MGAT5: variants seen among roughly 807,000 people sequenced by gnomAD.
MGAT5 encodes alpha-1,6-mannosylglycoprotein 6-beta-N-acetylglucosaminyltransferase, also known as alpha-1,6-mannosylglycoprotein 6-beta-N-acetylglucosaminyltransferase A.
A neutral mutation model predicts 94.3 loss-of-function variants in MGAT5; 30 were observed. That is an observed-to-expected ratio of 0.32 (90% CI 0.24 to 0.43). The LOEUF is 0.43. Among genes scored for constraint, MGAT5 ranks in the 20% least tolerant of loss-of-function variants. MGAT5 has a pLI of 1.00. For missense variants in MGAT5, 691 were observed against 905.5 expected (o/e 0.76, Z 3.04); for synonymous variants, 310 against 322.9 (o/e 0.96, Z 0.43).
rs1482398160 is a variant in MGAT5, at chr2:134,450,392, G to T, written c.*1545G>T. 6.6e-6 allele frequency: 1 copy of T among 152,310 alleles called. No homozygotes were observed. The highest frequency in any genetic ancestry group is 1.5e-5 in the Non-Finnish European group (1 of 68,110). 9.4% of individuals were successfully genotyped at this position (152,310 alleles called of 1,614,324 possible). A position where few individuals can be genotyped will look rare whatever the true frequency, so the allele number is the denominator to read the frequency against. On this transcript the variant is annotated 3_prime_UTR_variant, in exon 16 of 16. Coordinates refer to ENST00000281923, the MANE Select transcript of MGAT5 (RefSeq NM_002410.5). ...CCGCTGGGCAGAACTGATGGGCAAG[G>T]CGTAATGGCTGGTAGCTTTCAGAAT...
chr2:134,215,235 A>G (rs1189735674), intron 1 of MGAT5, among the ~76,000 whole-genome samples: 1 of 152,240 alleles, frequency 6.6e-6, no homozygotes, highest in Non-Finnish European at 1.5e-5. Context: ...GAAACATTCT[A>G]GTATATGATA....
At chr2:134,123,490 T>C (rs1308212314) in intron 1 of MGAT5, among the ~76,000 whole-genome samples, 1 of 152,220 alleles carries the variant, frequency 6.6e-6, no homozygotes, top group Non-Finnish European at 1.5e-5. Flanking sequence ...ACTGCTCTGC[T>C]CTTTCTCAAG....
chr2:134,222,104 T>A (rs1455453647), intron 1 of MGAT5, among the ~76,000 whole-genome samples: 2 of 152,090 alleles, frequency 1.3e-5, no homozygotes, highest in African/African-American at 2.4e-5. Flanking sequence ...AGTAGCCAAT[T>A]CTTTAAGAGG....
At chr2:134,232,663 A>G (rs1320005902) in intron 1 of MGAT5, among the ~76,000 whole-genome samples, 5 of 152,224 alleles carry the variant, frequency 3.3e-5, no homozygotes, top group Admixed American at 2.6e-4. Context: ...GTTACTGTTA[A>G]TAGACCACAG....
intron 1 of MGAT5, among the ~76,000 whole-genome samples, chr2:134,263,940 G>T (rs1683495496): frequency 6.7e-6 from 1 of 148,882 alleles, no homozygotes; most frequent in South Asian, 2.1e-4. Context: ...ATACGTACAT[G>T]TGTGTATATG....
intron 1 of MGAT5, among the ~76,000 whole-genome samples, chr2:134,153,297 C>G (rs757918282): frequency 6.6e-6 from 1 of 152,196 alleles, no homozygotes; most frequent in Non-Finnish European, 1.5e-5. Flanking sequence ...GAATATTGAT[C>G]CCCTTAAGCC....
intron 1 of MGAT5, among the ~76,000 whole-genome samples, chr2:134,154,457 C>T (rs927245665): frequency 1.3e-5 from 2 of 152,216 alleles, no homozygotes; most frequent in Non-Finnish European, 2.9e-5. Context: ...AGGCAAGCCC[C>T]GTTTTGGGGA....
chr2:134,142,342 C>A (rs926749251), intron 1 of MGAT5, among the ~76,000 whole-genome samples: 2 of 152,156 alleles, frequency 1.3e-5, no homozygotes, highest in Non-Finnish European at 2.9e-5. Flanking sequence ...CAGGCTGAGC[C>A]AAAGAGAACC....
At chr2:134,315,171 G>T (rs1435753324) in intron 2 of MGAT5, among the ~76,000 whole-genome samples, 1 of 152,140 alleles carries the variant, frequency 6.6e-6, no homozygotes, top group Admixed American at 6.5e-5. Context: ...GCTTCACCCT[G>T]CCCTACCACA....
At chr2:134,278,803 T>C (rs1421518103) in intron 2 of MGAT5, among the ~76,000 whole-genome samples, 1 of 152,238 alleles carries the variant, frequency 6.6e-6, no homozygotes, top group African/African-American at 2.4e-5. Flanking sequence ...TAACATGTTT[T>C]TGTCCACAGC....
intron 10 of MGAT5, among the ~76,000 whole-genome samples, chr2:134,378,879 G>C (rs1681365279): frequency 6.6e-6 from 1 of 152,184 alleles, no homozygotes; most frequent in Admixed American, 6.5e-5. Flanking sequence ...GTTTCCCAAA[G>C]TGCTGGGATC....
chr2:134,282,932 G>T lies in MGAT5; in HGVS notation c.406+12382G>T, dbSNP rs183682526. 2.9e-4 allele frequency among the ~76,000 whole-genome samples: 43 copies of T among 150,628 alleles called. 1 individual carries two copies. Among genetic ancestry groups the T allele is most frequent in the Admixed American group, 2.8e-3 (42 of 15,132 alleles). On this transcript the variant is annotated intron_variant, in intron 2 of 15. Coordinates refer to ENST00000281923, the MANE Select transcript of MGAT5 (RefSeq NM_002410.5). ...GCACATTCTTCCTGGGTGCATTTAA[G>T]AACCACTGTTGGGCCCTTTTAATTC...
intron 2 of MGAT5, among the ~76,000 whole-genome samples, chr2:134,300,889 T>C (rs1487379192): frequency 2.0e-5 from 3 of 152,172 alleles, no homozygotes; most frequent in Non-Finnish European, 4.4e-5. Flanking sequence ...TTAATTTTCA[T>C]ACCCTGCACA....
chr2:134,364,287 G>A (rs1680280862), intron 10 of MGAT5, among the ~76,000 whole-genome samples: 1 of 152,166 alleles, frequency 6.6e-6, no homozygotes. Flanking sequence ...ATCACCTGAG[G>A]TCAGGAGTTT....
intron 1 of MGAT5, among the ~76,000 whole-genome samples, chr2:134,158,362 C>A (rs1286178793): frequency 6.6e-6 from 1 of 152,222 alleles, no homozygotes; most frequent in Non-Finnish European, 1.5e-5. Context: ...CTCCTGTGTT[C>A]ATTGGTGCCC....
At position 134,165,424 on chromosome 2, in the gene MGAT5, G is replaced by A. The variant is rs569821212; in HGVS notation, c.-143+45133G>A. Among the ~76,000 whole-genome samples, 29 of 152,248 alleles carry A rather than the reference G, an allele frequency of 1.9e-4. No individual in the cohort carries two copies. In the South Asian group the frequency reaches 4.8e-3, roughly 25 times the overall value. On this transcript the variant is annotated intron_variant, in intron 1 of 16. Transcript: ENST00000409645. ...CTTTGGTGAGTTGGAGCTGGAAGTG[G>A]GAAGGGAAGTTTTTTTTAGAGGAAG... is the stretch of plus-strand genomic sequence containing the variant.
intron 1 of MGAT5, among the ~76,000 whole-genome samples, chr2:134,198,279 A>G (rs1679597081): frequency 6.6e-6 from 1 of 152,154 alleles, no homozygotes; most frequent in Non-Finnish European, 1.5e-5. Flanking sequence ...ATCATAGGCA[A>G]CCCATGTGCA....
At chr2:134,318,864 C>A in intron 4 of MGAT5, 125 bp downstream of exon 4, 1 of 594,938 alleles carries the variant, frequency 1.7e-6, no homozygotes, top group East Asian at 2.9e-5. Context: ...TGGTTCCGTC[C>A]TTCATTACTC....
chr2:134,139,384 C>T (rs1023012784), intron 1 of MGAT5, among the ~76,000 whole-genome samples: 3 of 152,012 alleles, frequency 2.0e-5, no homozygotes, highest in Non-Finnish European at 2.9e-5. Context: ...TTTTAGCACT[C>T]TGGCCGTGGC....
Sources: allele counts gnomAD v4.1 joint callset (sites outside exome capture counted in the v4.1 genomes callset), GRCh38; gene constraint gnomAD v4.1.1; transcripts MANE v1.5; gene names NCBI Gene and HGNC (gene_info 2026-07-23, HGNC 2026-07-21).